Variants in NAV3 observed in about 807,000 individuals in gnomAD.
The protein encoded by NAV3 is pore membrane and/or filament interacting like protein 1.
In NAV3, 87 loss-of-function variants were observed where a neutral mutation model predicts 244.7. That is an observed-to-expected ratio of 0.36 (90% CI 0.30 to 0.42). NAV3 has a LOEUF of 0.42. Among genes scored for constraint, NAV3 ranks in the 20% least tolerant of loss-of-function variants. The pLI, the probability that NAV3 is intolerant of heterozygous loss-of-function variation, is 1.00. For missense variants in NAV3, 2,663 were observed against 2,893.3 expected, an observed-to-expected ratio of 0.92 and a Z score of 1.83; for synonymous variants, 1,126 against 1,042.2, an observed-to-expected ratio of 1.08 and a Z score of -1.55.
chr12:77,741,146 G>GAAAAAAAAAAAAAAAAAAAAAA lies in NAV3; in HGVS notation c.72+168881_72+168882insAAAAAAAAAAAAAAAAAAAAAA, dbSNP rs1393220189. Among the ~76,000 whole-genome samples, 8 of 7,362 alleles carry GAAAAAAAAAAAAAAAAAAAAAA rather than the reference G, an allele frequency of 1.1e-3. No individual in the cohort carries two copies. In the East Asian group the frequency reaches 0.015, roughly 14 times the overall value. 4.8% of individuals were successfully genotyped at this position (7,362 alleles called of 152,430 possible). ...TAGAAATAGTCAAAGAAAAAAAAAA[G>GAAAAAAAAAAAAAAAAAAAAAA]ACAAAAAAAAAAAAAAAAAAGAAAA... On this transcript the variant is annotated intron_variant, in intron 2 of 8. Coordinates refer to the NAV3 transcript ENST00000550042.
intron 2 of NAV3, among the ~76,000 whole-genome samples, chr12:77,592,189 A>G (rs760122951): frequency 3.3e-5 from 5 of 152,198 alleles, no homozygotes; most frequent in Non-Finnish European, 7.3e-5. Flanking sequence ...GTGAAAGTCA[A>G]CATGGGGCTG....
intron 18 of NAV3, among the ~76,000 whole-genome samples, chr12:78,131,303 A>T (rs1419351515): frequency 6.6e-6 from 1 of 152,334 alleles, no homozygotes; most frequent in South Asian, 2.1e-4. Flanking sequence ...TAATGATTTC[A>T]TATCAAACAC....
intron 1 of NAV3, among the ~76,000 whole-genome samples, chr12:77,923,452 T>C (rs1028022222): frequency 6.6e-6 from 1 of 152,146 alleles, no homozygotes; most frequent in African/African-American, 2.4e-5. Context: ...TACTGAAATT[T>C]GGAAACATCA....
At chr12:77,933,891 C>T (rs1889069641) in intron 1 of NAV3, among the ~76,000 whole-genome samples, 1 of 152,192 alleles carries the variant, frequency 6.6e-6, no homozygotes, top group African/African-American at 2.4e-5. Context: ...TTGCAACCTT[C>T]TTTGTCCAAT....
chr12:77,735,614 T>C (rs944946996), intron 2 of NAV3, among the ~76,000 whole-genome samples: 1 of 152,170 alleles, frequency 6.6e-6, no homozygotes, highest in Non-Finnish European at 1.5e-5. Flanking sequence ...CCTTCAATTT[T>C]CTGCATTATT....
At chr12:78,198,991 A>G (rs1401931187) in intron 36 of NAV3, 3 of 471,840 alleles carry the variant, frequency 6.4e-6, no homozygotes, top group Non-Finnish European at 1.2e-5. Flanking sequence ...TCCCTGGTTA[A>G]AGTAGAGCAT....
intron 2 of NAV3, among the ~76,000 whole-genome samples, chr12:77,578,468 C>A (rs1367521757): frequency 6.6e-6 from 1 of 152,178 alleles, no homozygotes; most frequent in Admixed American, 6.5e-5. Context: ...TTCCTGGAAT[C>A]ATCAGCCAAA....
chr12:77,724,371 C>T (rs1876782552), intron 2 of NAV3, among the ~76,000 whole-genome samples: 1 of 151,812 alleles, frequency 6.6e-6, no homozygotes, highest in South Asian at 2.1e-4. Context: ...TAGAAGGAAA[C>T]TTACAAATTA....
intron 9 of NAV3, chr12:78,037,040 A>C (rs1880009307): frequency 1.4e-6 from 1 of 702,878 alleles, no homozygotes; most frequent in African/African-American, 1.7e-5. Context: ...GCCAGAGAGA[A>C]GCCAACTATG....
At chr12:77,932,408 T>G (rs1302542939) in intron 1 of NAV3, among the ~76,000 whole-genome samples, 1 of 152,162 alleles carries the variant, frequency 6.6e-6, no homozygotes, top group Non-Finnish European at 1.5e-5. Flanking sequence ...TGCATTACTC[T>G]GTCTCCCTCT....
At chr12:77,963,065 G>C (rs1892169934) in intron 3 of NAV3, among the ~76,000 whole-genome samples, 1 of 152,070 alleles carries the variant, frequency 6.6e-6, no homozygotes, top group Non-Finnish European at 1.5e-5. Context: ...AAATAAAACA[G>C]ATTACAATTA....
chr12:77,960,970 G>A (rs993716027), intron 3 of NAV3, among the ~76,000 whole-genome samples: 1 of 144,752 alleles, frequency 6.9e-6, no homozygotes, highest in African/African-American at 2.5e-5. Flanking sequence ...TGTAATATAT[G>A]TATATATGTA....
intron 1 of NAV3, among the ~76,000 whole-genome samples, chr12:77,901,206 C>G (rs1241927966): frequency 6.6e-6 from 1 of 152,126 alleles, no homozygotes; most frequent in African/African-American, 2.4e-5. Flanking sequence ...TTCTTCTGCT[C>G]TGCAGAAGCT....
chr12:77,995,536 C>T (rs1872213292), intron 6 of NAV3, among the ~76,000 whole-genome samples: 1 of 152,092 alleles, frequency 6.6e-6, no homozygotes, highest in African/African-American at 2.4e-5. Flanking sequence ...GAGTTTTATA[C>T]CTCTGATTAG....
chr12:78,128,728 G>A lies in NAV3; in HGVS notation c.4303G>A (p.Ala1435Thr), dbSNP rs749737030. 2 of 1,613,950 alleles carry A rather than the reference G, an allele frequency of 1.2e-6. No homozygotes were observed. Among genetic ancestry groups the A allele is most frequent in the Non-Finnish European group, 1.7e-6 (2 of 1,179,924 alleles). Residue 1435 changes from alanine to threonine, a missense_variant, in exon 18 of 40, where the codon GCC (alanine) becomes ACC (threonine). By Grantham distance (58) the Ala-to-Thr change is moderately conservative. Around this residue, in one of 6 missense-constraint regions of NAV3, gnomAD observed 354 missense variants for 413.0 expected, o/e 0.86. Coordinates refer to ENST00000397909, the MANE Select transcript of NAV3 (RefSeq NM_001024383.2). ...GLRYTPSSRQ[A>T]NQEEGKEWLR... is the part of the protein sequence containing the mutation. ...CAGATATACCCCATCATCTCGGCAG[G>A]CCAACCAAGAAGAGGGCAAAGAGTG...
intron 18 of NAV3, among the ~76,000 whole-genome samples, chr12:78,131,898 T>C (rs1956181402): frequency 6.6e-6 from 1 of 152,204 alleles, no homozygotes; most frequent in Non-Finnish European, 1.5e-5. Context: ...CAGATATGCC[T>C]GAGCTTTGTC....
chr12:77,613,563 T>A (rs1871017377), intron 2 of NAV3, among the ~76,000 whole-genome samples: 1 of 152,172 alleles, frequency 6.6e-6, no homozygotes, highest in Non-Finnish European at 1.5e-5. Context: ...TGATGTTTGC[T>A]TTACAGAGTA....
chr12:77,910,897 A>C (rs1886514941), intron 1 of NAV3, among the ~76,000 whole-genome samples: 1 of 152,158 alleles, frequency 6.6e-6, no homozygotes, highest in East Asian at 1.9e-4. Flanking sequence ...AACCTAAAAC[A>C]TGAAGATACT....
chr12:77,682,744 C>T (rs1874529690), intron 2 of NAV3, among the ~76,000 whole-genome samples: 1 of 152,086 alleles, frequency 6.6e-6, no homozygotes, highest in Non-Finnish European at 1.5e-5. Flanking sequence ...TTGCAATTTC[C>T]TAATCATTAG....
Sources: allele counts gnomAD v4.1 joint callset (sites outside exome capture counted in the v4.1 genomes callset), GRCh38; gene constraint gnomAD v4.1.1; regional missense constraint gnomAD v4.1.1; transcripts MANE v1.5; gene names NCBI Gene and HGNC (gene_info 2026-07-23, HGNC 2026-07-21).